ERP44: variants seen among roughly 807,000 people sequenced by gnomAD.
ERP44 encodes the protein endoplasmic reticulum protein 44, also known as endoplasmic reticulum resident protein 44.
ERP44 carries 25 observed loss-of-function variants against 53.4 expected under a neutral mutation model. That is an observed-to-expected ratio of 0.47 (90% CI 0.34 to 0.65). The LOEUF is 0.65. ERP44 is among the 30% of genes least tolerant of loss of function. The pLI is 0.01. For synonymous variants in ERP44, 145 were observed against 161.2 expected (o/e 0.90, Z 0.76); for missense variants, 338 against 493.2 (o/e 0.69, Z 2.98).
intron 4 of ERP44, among the ~76,000 whole-genome samples, chr9:100,049,357 C>T (rs1326955732): frequency 6.6e-6 from 1 of 152,104 alleles, no homozygotes; most frequent in African/African-American, 2.4e-5. Flanking sequence ...AAGATTGTGC[C>T]ACTGCACTAC....
chr9:100,061,577 G>C (rs915529247), intron 1 of ERP44, among the ~76,000 whole-genome samples: 9 of 146,214 alleles, frequency 6.2e-5, no homozygotes, highest in African/African-American at 2.2e-4. Flanking sequence ...TATATTTATA[G>C]AAACGTATAT....
intron 1 of ERP44, among the ~76,000 whole-genome samples, chr9:100,068,485 T>A (rs946468643): frequency 2.3e-5 from 3 of 127,764 alleles, no homozygotes; most frequent in African/African-American, 8.9e-5. Flanking sequence ...GAGGAGCCCC[T>A]CTGCCCGGCC....
chr9:100,053,062 TA>T (rs1364847205), intron 3 of ERP44, among the ~76,000 whole-genome samples: 2 of 152,182 alleles, frequency 1.3e-5, no homozygotes, highest in East Asian at 1.9e-4. Flanking sequence ...GACTATTGTG[TA>T]AAATATTTTA....
intron 4 of ERP44, among the ~76,000 whole-genome samples, chr9:100,038,558 G>A (rs910439847): frequency 6.6e-6 from 1 of 151,894 alleles, no homozygotes; most frequent in African/African-American, 2.4e-5. Flanking sequence ...TCACTAAAAG[G>A]AAGACAGCAA....
At chr9:100,032,700 T>C (rs912006288) in intron 4 of ERP44, among the ~76,000 whole-genome samples, 11 of 152,234 alleles carry the variant, frequency 7.2e-5, no homozygotes, top group African/African-American at 2.4e-4. Context: ...GCTTTAATAG[T>C]GGCTGTCCTA....
intron 10 of ERP44, among the ~76,000 whole-genome samples, chr9:99,985,596 T>G (rs926881747): frequency 6.6e-6 from 1 of 152,200 alleles, no homozygotes; most frequent in Non-Finnish European, 1.5e-5. Flanking sequence ...CTCTGCAGCC[T>G]TAACGTAAAG....
chr9:100,019,883 G>A (rs930142150), intron 6 of ERP44, among the ~76,000 whole-genome samples: 3 of 152,062 alleles, frequency 2.0e-5, no homozygotes, highest in African/African-American at 7.3e-5. Flanking sequence ...GAGCAATGGA[G>A]GTGAAAGTTA....
In ERP44 at chr9:100,006,357, A is replaced by G. The variant is rs1044023549; in HGVS notation, c.1016+149T>C. 9 of 603,416 alleles carry G rather than the reference A, an allele frequency of 1.5e-5. No individual in the cohort carries two copies. In the African/African-American group the frequency reaches 1.7e-4, roughly 11 times the overall value. 37.4% of individuals were successfully genotyped at this position (603,416 alleles called of 1,614,324 possible). A position where few individuals can be genotyped will look rare whatever the true frequency, so the allele number is the denominator to read the frequency against. On this transcript the variant is annotated intron_variant, in intron 10 of 11. Transcript: ENST00000262455. ...TAATTATACCACACTCTATAGTGAA[A>G]AAAAGCAGCAGTCACCCAAACCTCT...
At chr9:100,015,311 C>T (rs184224609) in intron 8 of ERP44, among the ~76,000 whole-genome samples, 1 of 152,082 alleles carries the variant, frequency 6.6e-6, no homozygotes, top group Non-Finnish European at 1.5e-5. Flanking sequence ...GTACCTAATA[C>T]AAAGTTTTTA....
intron 6 of ERP44, among the ~76,000 whole-genome samples, chr9:100,019,083 C>CA (rs895289230): frequency 2.6e-5 from 4 of 151,730 alleles, no homozygotes; most frequent in East Asian, 1.9e-4. Context: ...TTGGTGGTTA[C>CA]AAAAAAATGC....
intron 1 of ERP44, among the ~76,000 whole-genome samples, chr9:100,082,736 T>C (rs1255155984): frequency 7.3e-6 from 1 of 136,256 alleles, no homozygotes; most frequent in Non-Finnish European, 1.5e-5. Flanking sequence ...ACTTGCCAGA[T>C]ATGGAGGGCC....
chr9:100,038,109 C>T (rs1417448252), intron 4 of ERP44, among the ~76,000 whole-genome samples: 1 of 151,940 alleles, frequency 6.6e-6, no homozygotes, highest in African/African-American at 2.4e-5. Context: ...GAAACGTTAA[C>T]GTGAGTATAT....
intron 10 of ERP44, chr9:99,998,495 C>G: frequency 1.4e-6 from 1 of 713,762 alleles, no homozygotes; most frequent in Admixed American, 2.0e-5. Flanking sequence ...CACGGCCTCC[C>G]TCGGAGCCCC....
chr9:100,096,498 CAG>C (rs755616717), intron 1 of ERP44, among the ~76,000 whole-genome samples: 1 of 151,956 alleles, frequency 6.6e-6, no homozygotes, highest in African/African-American at 2.4e-5. Context: ...GGCTTTGTGG[CAG>C]AGTGATATAT....
chr9:99,982,499 T>C lies in ERP44; in HGVS notation c.*113A>G. 1 of 485,494 alleles carries C rather than the reference T, an allele frequency of 2.1e-6. No individual in the cohort carries two copies. The highest frequency in any genetic ancestry group is 3.3e-6 in the Non-Finnish European group (1 of 302,768). 30.1% of individuals were successfully genotyped at this position (485,494 alleles called of 1,614,324 possible). A position where few individuals can be genotyped will look rare whatever the true frequency, so the allele number is the denominator to read the frequency against. On this transcript the variant is annotated 3_prime_UTR_variant, in exon 12 of 12. Coordinates refer to ENST00000262455, the MANE Select transcript of ERP44 (RefSeq NM_015051.3). ...AAAAAATTAAAAACCCAAAATTTCT[T>C]TCTGTTTATTCAAAATAAAAATACA...
chr9:100,061,527 CGTATATATTTATAGAAACGT>C (rs1826148892), intron 1 of ERP44, among the ~76,000 whole-genome samples: 2 of 129,134 alleles, frequency 1.5e-5, no homozygotes, highest in Non-Finnish European at 3.1e-5. Context: ...TTTATAGAAA[CGTATATATTTATAGAAACGT>C]ATATATTTAT....
intron 4 of ERP44, among the ~76,000 whole-genome samples, chr9:100,023,944 C>T (rs960412759): frequency 1.3e-5 from 2 of 152,038 alleles, no homozygotes; most frequent in African/African-American, 4.8e-5. Flanking sequence ...CACTTGAGGT[C>T]AGGAGTTTGA....
chr9:100,047,550 A>G (rs1227279074), intron 4 of ERP44, among the ~76,000 whole-genome samples: 2 of 152,216 alleles, frequency 1.3e-5, no homozygotes, highest in African/African-American at 4.8e-5. Context: ...TGTTCCATAC[A>G]CAAAAATTAA....
rs757013076 is a variant in ERP44 at position 100,016,452 on chromosome 9, GA to G, written c.646-15del. 1.4e-4 allele frequency: 219 copies of G among 1,511,498 alleles called. No individual in the cohort carries two copies. The highest frequency in any genetic ancestry group is 3.0e-4 in the African/African-American group (21 of 69,528). 93.6% of individuals were successfully genotyped at this position (1,511,498 alleles called of 1,614,324 possible). A position where few individuals can be genotyped will look rare whatever the true frequency, so the allele number is the denominator to read the frequency against. ...CGGAGCAGAATGCTATTACAAAACAGAAAAAAAAAATTAAATCTAACCTGTG... is the reference window on the plus strand; with the variant it reads ...CGGAGCAGAATGCTATTACAAAACAGAAAAAAAAATTAAATCTAACCTGTG... On this transcript the variant is annotated splice_polypyrimidine_tract_variant and intron_variant, in intron 7 of 11. Transcript: ENST00000262455.
Sources: allele counts gnomAD v4.1 joint callset (sites outside exome capture counted in the v4.1 genomes callset), GRCh38; gene constraint gnomAD v4.1.1; transcripts MANE v1.5; gene names NCBI Gene and HGNC (gene_info 2026-07-23, HGNC 2026-07-21).